PRPF8: variants seen among roughly 807,000 people sequenced by gnomAD.
PRPF8 encodes the protein pre-mRNA-processing-splicing factor 8.
A neutral mutation model predicts 285.9 loss-of-function variants in PRPF8; 64 were observed. The ratio of observed to expected loss-of-function variants is 0.22; its 90% CI spans 0.18 to 0.28. The LOEUF (loss-of-function observed/expected upper bound fraction) is 0.28, where lower values mean the gene tolerates loss of function less well. Ranked by LOEUF, PRPF8 falls within the 10% of genes least tolerant of loss-of-function variation. PRPF8 has a pLI of 1.00. For missense variants in PRPF8, 1,426 were observed against 3,026.7 expected, an observed-to-expected ratio of 0.47 and a Z score of 12.41; for synonymous variants, 1,325 against 1,118.2, an observed-to-expected ratio of 1.18 and a Z score of -3.69.
chr17:1,674,745 C>T, intron 20 of PRPF8, 65 bp from the exon 21 acceptor site: 1 of 1,484,794 alleles, frequency 6.7e-7, no homozygotes, highest in East Asian at 2.3e-5. Context: ...CAGAGTTAAC[C>T]TCTTTTGTTC....
In PRPF8 at chr17:1,651,592, C is replaced by T. The variant is rs746253603; in HGVS notation, c.6511-39G>A. ...GGAGTACAGAGCTGAATCCCATCCA[C>T]AGACAGGAATCGCACCAGCTTTTCC... On this transcript the variant is annotated intron_variant, in intron 40 of 42. Coordinates refer to ENST00000304992, the MANE Select transcript of PRPF8 (RefSeq NM_006445.4). The surrounding 1 kb of genome is among the most constrained non-coding windows in gnomAD (Gnocchi z 5.1). 2 of 1,614,140 alleles carry T rather than the reference C, an allele frequency of 1.2e-6. No homozygotes were observed. The highest frequency in any genetic ancestry group is 1.7e-6 in the Non-Finnish European group (2 of 1,180,034).
Position 1,656,330 on chromosome 17 carries a change from G to C in PRPF8, c.5793+62C>G. On this transcript the variant is annotated intron_variant, in intron 36 of 42. Coordinates refer to ENST00000304992, the MANE Select transcript of PRPF8 (RefSeq NM_006445.4). ...TGAAAATGGCAAAAACCTGACACAG[G>C]ATCTTCTCCTAACCCTAAACCCGCT... 3 of 1,601,940 alleles carry C rather than the reference G, an allele frequency of 1.9e-6. No individual in the cohort carries two copies. The Admixed American group carries it at 5.0e-5, about 27-fold the overall frequency.
chr17:1,673,007 C>T lies in PRPF8; in HGVS notation c.3774+74G>A, dbSNP rs960536778. On this transcript the variant is annotated intron_variant, in intron 24 of 42. Coordinates refer to ENST00000304992, the MANE Select transcript of PRPF8 (RefSeq NM_006445.4). This position sits in a 1 kb window ranked among gnomAD's most constrained non-coding sequence, Gnocchi z 5.5. ...AGAGAAGGAAGCAGCCAGCAGGGGACGAAGTGAAAGGGGTGTGAAATGAGC... is the reference window on the plus strand; with the variant it reads ...AGAGAAGGAAGCAGCCAGCAGGGGATGAAGTGAAAGGGGTGTGAAATGAGC... The T allele has an allele frequency of 2.0e-5, 27 of 1,372,386 alleles. No individual in the cohort carries two copies. Among genetic ancestry groups the T allele is most frequent in the East Asian group, 4.6e-5 (2 of 43,708 alleles). The allele number at this position is 1,372,386 out of a possible 1,614,324, so 85.0% of individuals were successfully genotyped here.
Position 1,660,006 on chromosome 17 carries a change from A to G in PRPF8, c.4786-5T>C, listed in dbSNP as rs764676646. On this transcript the variant is annotated splice_polypyrimidine_tract_variant and splice_region_variant and intron_variant, in intron 30 of 42. Coordinates refer to ENST00000304992, the MANE Select transcript of PRPF8 (RefSeq NM_006445.4). ...ATCAAGTTCCTGGTCAAACACCTGA[A>G]GGAAAACATGGAGAGATTAAGACTT... 6.2e-7 allele frequency: 1 copy of G among 1,614,032 alleles called. No homozygotes were observed. The highest frequency in any genetic ancestry group is 8.5e-7 in the Non-Finnish European group (1 of 1,179,868).
At chr17:1,662,461 C>T (rs897654164) in intron 24 of PRPF8, among the ~76,000 whole-genome samples, 1 of 151,504 alleles carries the variant, frequency 6.6e-6, no homozygotes, top group African/African-American at 2.4e-5. Flanking sequence ...TGGTGGCAGA[C>T]GCCTGTAATC....
At position 1,659,023 on chromosome 17, in the gene PRPF8, TTA is replaced by T; in HGVS notation, c.5139-262_5139-261del. 2.0e-6 allele frequency: 1 copy of T among 509,096 alleles called. No homozygotes were observed. Among genetic ancestry groups the T allele is most frequent in the Non-Finnish European group, 3.4e-6 (1 of 293,442 alleles). 31.5% of individuals were successfully genotyped at this position (509,096 alleles called of 1,614,324 possible). A position where few individuals can be genotyped will look rare whatever the true frequency, so the allele number is the denominator to read the frequency against. On this transcript the variant is annotated intron_variant, in intron 32 of 42. Transcript: ENST00000304992. This position sits in a 1 kb window ranked among gnomAD's most constrained non-coding sequence, Gnocchi z 5.1. ...AATACACGGATTATTTATTTATTTA[TTA>T]TTATTATTATTTTTCTTTGAGATGG...
chr17:1,677,727 T>C, intron 13 of PRPF8, 33 bp from the exon 14 acceptor site: 2 of 1,613,498 alleles, frequency 1.2e-6, no homozygotes, highest in Non-Finnish European at 1.7e-6. Flanking sequence ...AGAATACAAG[T>C]TAGCAATGCA....
At chr17:1,655,213 C>T in intron 37 of PRPF8, 137 bp downstream of exon 37, 1 of 939,518 alleles carries the variant, frequency 1.1e-6, no homozygotes, top group East Asian at 2.6e-5. Flanking sequence ...CCACCTTGGC[C>T]TCCCAAAGTG....
chr17:1,663,091 A>G (rs1911763267), intron 24 of PRPF8, among the ~76,000 whole-genome samples: 1 of 152,206 alleles, frequency 6.6e-6, no homozygotes, highest in South Asian at 2.1e-4. Context: ...AAAGTGTATT[A>G]TTCTAAGGTT....
chr17:1,673,486 A>G lies in PRPF8; in HGVS notation c.3528T>C (p.Ser1176=), dbSNP rs1477034797. 6.2e-7 allele frequency: 1 copy of G among 1,614,152 alleles called. No individual in the cohort carries two copies. Among genetic ancestry groups the G allele is most frequent in the Middle Eastern group, 1.6e-4 (1 of 6,062 alleles). ...GGTTGGGGTTGTCCTTACTGTACAC[A>G]GACACGAAGCTGTTCTCCCACTGAA... is the stretch of plus-strand genomic sequence containing the variant. ...TTVQWENSFV[S]VYSKDNPNLL... Residue 1176 remains serine (S), a synonymous_variant, in exon 23 of 43, where the codon TCT becomes TCC. Coordinates refer to ENST00000304992, the MANE Select transcript of PRPF8 (RefSeq NM_006445.4). The surrounding 1 kb of genome is among the most constrained non-coding windows in gnomAD (Gnocchi z 5.5).
At position 1,674,666 on chromosome 17, in the gene PRPF8, C is replaced by T. The variant is rs199743069; in HGVS notation, c.3075G>A (p.Thr1025=). The change falls in exon 21 of 43, where the codon ACG becomes ACA. Residue 1025 remains threonine (T), a synonymous_variant. Transcript: ENST00000304992. ...VVINYKDMNH[T]NSYGIIRGLQ... Reference sequence around the variant, plus strand: ...GGCCTCTGATGATCCCATATGAATTCGTATGGTTCATGTCCTAGAAAGAAA... The same window carrying T: ...GGCCTCTGATGATCCCATATGAATTTGTATGGTTCATGTCCTAGAAAGAAA... 34 of 1,613,676 alleles carry T rather than the reference C, an allele frequency of 2.1e-5. No individual in the cohort carries two copies. Among genetic ancestry groups the T allele is most frequent in the South Asian group, 1.6e-4 (15 of 91,084 alleles).
rs1567692996 is a variant in PRPF8 at position 1,682,313 on chromosome 17, G to A, written c.270-20C>T. 5 of 1,613,262 alleles carry A rather than the reference G, an allele frequency of 3.1e-6. No individual in the cohort carries two copies. The highest frequency in any genetic ancestry group is 4.2e-6 in the Non-Finnish European group (5 of 1,179,304). On this transcript the variant is annotated intron_variant, in intron 3 of 42. Transcript: ENST00000304992. ...AGGGCACTGGCACATTAGAAAAAGA[G>A]AAGGCTATCAGAAATGACGAGGTGT... is the stretch of plus-strand genomic sequence containing the variant.
In PRPF8 at chr17:1,655,370, A is replaced by T; in HGVS notation, c.5967T>A (p.Ala1989=). The T allele has an allele frequency of 6.2e-7, 1 of 1,613,558 alleles. No individual in the cohort carries two copies. Among genetic ancestry groups the T allele is most frequent in the Non-Finnish European group, 8.5e-7 (1 of 1,180,018 alleles). Residue 1989 remains alanine (A), a synonymous_variant, in exon 37 of 43, where the codon GCT becomes GCA. Coordinates refer to ENST00000304992, the MANE Select transcript of PRPF8 (RefSeq NM_006445.4). ...VEVQLKDLIL[A]DYGKKNNVNV... is the part of the protein sequence containing the mutation. ...CTCACTTGTTTTTCTTGCCGTAGTCAGCCAAGATCAGATCCTTGAGCTGCA... is the reference window on the plus strand; with the variant it reads ...CTCACTTGTTTTTCTTGCCGTAGTCTGCCAAGATCAGATCCTTGAGCTGCA...
intron 2 of PRPF8, 55 bp downstream of exon 2, chr17:1,684,417 G>T: frequency 1.3e-6 from 2 of 1,587,474 alleles, no homozygotes; most frequent in East Asian, 2.2e-5. Context: ...CCGCCTGCGC[G>T]CGCGCACACC....
intron 24 of PRPF8, among the ~76,000 whole-genome samples, chr17:1,671,253 C>CTAG (rs2151124115): frequency 6.6e-6 from 1 of 152,314 alleles, no homozygotes; most frequent in East Asian, 1.9e-4. Flanking sequence ...ATCACTAACT[C>CTAG]TAGTGCTCTC....
rs1173562700 is a variant in PRPF8, at chr17:1,684,503, G to C, written c.69C>G (p.Asp23Glu). 6.2e-7 allele frequency: 1 copy of C among 1,612,674 alleles called. No homozygotes were observed. The highest frequency in any genetic ancestry group is 1.7e-5 in the Admixed American group (1 of 60,026). ...CCTGCAGCTTCTCCTCCGACATGTA[G>C]TCCGGTAGCGGGGCTAGAGGGCCAG... ...PVPGPLAPLP[D>E]YMSEEKLQEK... The change falls in exon 2 of 43, where the codon GAC (aspartate) becomes GAG (glutamate). Residue 23 changes from aspartate (D) to glutamate (E), a missense_variant. Physicochemically the swap from Asp to Glu is conservative, Grantham distance 45. Coordinates refer to ENST00000304992, the MANE Select transcript of PRPF8 (RefSeq NM_006445.4).
At chr17:1,674,835 A>C (rs963193640) in intron 20 of PRPF8, among the ~76,000 whole-genome samples, 155 bp from the exon 21 acceptor site, 3 of 152,050 alleles carry the variant, frequency 2.0e-5, no homozygotes, top group African/African-American at 7.2e-5. Context: ...GCACTGGCGC[A>C]ATCTCAGCTC....
intron 34 of PRPF8, among the ~76,000 whole-genome samples, chr17:1,657,231 G>A (rs28620466): frequency 0.046 from 6,980 of 152,270 alleles, 453 homozygotes; most frequent in African/African-American, 0.14. Flanking sequence ...TAAAGGAAGA[G>A]AAACTGGCTG....
chr17:1,673,677 C>G lies in PRPF8; in HGVS notation c.3446+69G>C. The G allele has an allele frequency of 1.9e-6, 3 of 1,612,528 alleles. No individual in the cohort carries two copies. The South Asian group carries it at 3.3e-5, about 18-fold the overall frequency. On this transcript the variant is annotated intron_variant, in intron 22 of 42. Coordinates refer to ENST00000304992, the MANE Select transcript of PRPF8 (RefSeq NM_006445.4). This position sits in a 1 kb window ranked among gnomAD's most constrained non-coding sequence, Gnocchi z 5.5. The stretch of plus-strand genomic sequence containing the variant: ...ACGCCTCTCCCACCCAGGACGCAGC[C>G]TCAGGTATGCCCTCTCTGGGCCCTT...
Sources: gnomAD v4.1 joint callset for allele counts (sites outside exome capture counted in the v4.1 genomes callset) on GRCh38, gnomAD v4.1.1 for gene constraint, Gnocchi (gnomAD v3.1) non-coding constraint, MANE v1.5 for transcripts, NCBI Gene and HGNC (gene_info 2026-07-23, HGNC 2026-07-21) for gene names.